The following LINGO1 variants were observed in gnomAD, a reference collection of about 807,000 sequenced individuals.
The protein encoded by LINGO1 is leucine rich repeat and Ig domain containing 1.
A neutral mutation model predicts 37.3 loss-of-function variants in LINGO1; 11 were observed. That is an observed-to-expected ratio of 0.29 (90% CI 0.19 to 0.49). LINGO1 has a LOEUF of 0.49. LINGO1 is among the 20% of genes least tolerant of loss of function. LINGO1 has a pLI of 0.99. For synonymous variants in LINGO1, 387 were observed against 403.0 expected, an observed-to-expected ratio of 0.96 and a Z score of 0.48; for missense variants, 585 against 878.2, an observed-to-expected ratio of 0.67 and a Z score of 4.22.
At chr15:77,678,797 T>G (rs2075368419) in intron 2 of LINGO1, among the ~76,000 whole-genome samples, 1 of 152,240 alleles carries the variant, frequency 6.6e-6, no homozygotes, top group African/African-American at 2.4e-5. Flanking sequence ...CTAGGAGAGT[T>G]CCAGTGGCTC....
At chr15:77,644,804 A>G (rs1488477170) in intron 3 of LINGO1, among the ~76,000 whole-genome samples, 1 of 152,210 alleles carries the variant, frequency 6.6e-6, no homozygotes, top group African/African-American at 2.4e-5. Context: ...TGGTGGAGCC[A>G]GGACCAGCGG....
At chr15:77,633,169 C>T (rs573939753), upstream of LINGO1, among the ~76,000 whole-genome samples, 15 of 151,714 alleles carry the variant, frequency 9.9e-5, no homozygotes, top group East Asian at 2.6e-3. Context: ...GCTCTGCACA[C>T]GGCCGCGCCC....
At chr15:77,749,068 C>T (rs371790699) in intron 1 of LINGO1, among the ~76,000 whole-genome samples, 1 of 151,710 alleles carries the variant, frequency 6.6e-6, no homozygotes, top group African/African-American at 2.4e-5. Flanking sequence ...CTACCACGCC[C>T]GGCTAATTTT....
At chr15:77,642,490 G>T (rs983612370) in intron 3 of LINGO1, among the ~76,000 whole-genome samples, 3 of 152,252 alleles carry the variant, frequency 2.0e-5, no homozygotes, top group Admixed American at 6.5e-5. Context: ...CTGGGGGTCT[G>T]CAGTCTCTGA....
intron 1 of LINGO1, among the ~76,000 whole-genome samples, chr15:77,749,024 C>A (rs1274573822): frequency 1.3e-5 from 2 of 150,012 alleles, no homozygotes; most frequent in Non-Finnish European, 3.0e-5. Flanking sequence ...TCTCCTACCT[C>A]AGCCTCCTGA....
At chr15:77,764,444 CA>C (rs145209741) in intron 1 of LINGO1, among the ~76,000 whole-genome samples, 1 of 151,944 alleles carries the variant, frequency 6.6e-6, no homozygotes, top group Non-Finnish European at 1.5e-5. Context: ...AGATAGCTGA[CA>C]AAAAAACTGT....
intron 3 of LINGO1, among the ~76,000 whole-genome samples, chr15:77,656,194 G>A (rs576706580): frequency 1.7e-4 from 26 of 152,262 alleles, no homozygotes; most frequent in Admixed American, 1.5e-3. Flanking sequence ...CCCAAGGCCT[G>A]GACAACGAAT....
At chr15:77,711,380 G>A (rs966210751) in intron 2 of LINGO1, among the ~76,000 whole-genome samples, 1 of 152,232 alleles carries the variant, frequency 6.6e-6, no homozygotes, top group Non-Finnish European at 1.5e-5. Flanking sequence ...CGATAACGAA[G>A]ATTCCATCCT....
At chr15:77,735,886 T>C (rs28457682) in intron 1 of LINGO1, among the ~76,000 whole-genome samples, 18,932 of 152,150 alleles carry the variant, frequency 0.12, 1,531 homozygotes, top group African/African-American at 0.22. Flanking sequence ...ACACATATCT[T>C]ACTCCCAGCA....
intron 1 of LINGO1, among the ~76,000 whole-genome samples, chr15:77,754,640 T>G (rs2076402629): frequency 6.6e-6 from 1 of 152,176 alleles, no homozygotes. Context: ...TAGGCTGTGC[T>G]GGGGGTTCTG....
intron 1 of LINGO1, among the ~76,000 whole-genome samples, chr15:77,755,580 G>C (rs1238200620): frequency 6.6e-6 from 1 of 152,204 alleles, no homozygotes; most frequent in Non-Finnish European, 1.5e-5. Context: ...AGTGCTGCCT[G>C]CACTGTAGGG....
chr15:77,659,266 C>T (rs1359206089), intron 3 of LINGO1, among the ~76,000 whole-genome samples: 1 of 152,158 alleles, frequency 6.6e-6, no homozygotes, highest in Non-Finnish European at 1.5e-5. Flanking sequence ...CACCATGCAC[C>T]ACTGTCCCCA....
At chr15:77,687,174 G>A (rs1191906462) in intron 2 of LINGO1, among the ~76,000 whole-genome samples, 1 of 152,082 alleles carries the variant, frequency 6.6e-6, no homozygotes, top group Non-Finnish European at 1.5e-5. Flanking sequence ...GTGCGTGGCT[G>A]GGGTCAGGGC....
At chr15:77,733,431 C>T (rs960949519) in intron 2 of LINGO1, among the ~76,000 whole-genome samples, 8 of 152,160 alleles carry the variant, frequency 5.3e-5, no homozygotes, top group Non-Finnish European at 7.4e-5. Context: ...CCAGCTCCCA[C>T]CCCCATGCCA....
intron 3 of LINGO1, among the ~76,000 whole-genome samples, chr15:77,675,927 A>G (rs1369734214): frequency 1.3e-5 from 2 of 152,152 alleles, no homozygotes; most frequent in Non-Finnish European, 2.9e-5. Flanking sequence ...TTCCAAGCTC[A>G]TGAAGCAATT....
At chr15:77,722,030 G>A (rs2141314955) in intron 2 of LINGO1, among the ~76,000 whole-genome samples, 1 of 152,244 alleles carries the variant, frequency 6.6e-6, no homozygotes, top group African/African-American at 2.4e-5. Flanking sequence ...CTGGGTGCTT[G>A]ATGCTCCCAC....
intron 3 of LINGO1, chr15:77,659,965 C>T (rs2074952250): frequency 6.6e-6 from 1 of 152,238 alleles, no homozygotes; most frequent in African/African-American, 2.4e-5. Context: ...TGGAATCGTA[C>T]CATTATTGCA....
chr15:77,699,342 C>T (rs556490185), upstream of LINGO1, among the ~76,000 whole-genome samples: 74 of 42,270 alleles, frequency 1.8e-3, no homozygotes, highest in African/African-American at 5.7e-3. Context: ...CATCATCCCC[C>T]GCACACAGTA....
At chr15:77,723,434 A>G (rs1449413314) in intron 2 of LINGO1, among the ~76,000 whole-genome samples, 1 of 152,202 alleles carries the variant, frequency 6.6e-6, no homozygotes, top group Non-Finnish European at 1.5e-5. Flanking sequence ...AATTAAAATA[A>G]TAACAATGAC....
Sources: allele counts gnomAD v4.1 joint callset (sites outside exome capture counted in the v4.1 genomes callset), GRCh38; gene constraint gnomAD v4.1.1; transcripts MANE v1.5; gene names NCBI Gene and HGNC (gene_info 2026-07-23, HGNC 2026-07-21).